SH3KBP1: variants seen among roughly 807,000 people sequenced by gnomAD.
SH3KBP1 encodes SH3 domain-containing kinase-binding protein 1.
In SH3KBP1, 8 loss-of-function variants were observed where a neutral mutation model predicts 50.1. The observed-to-expected ratio is 0.16, with a 90% confidence interval of 0.09 to 0.29. The LOEUF (loss-of-function observed/expected upper bound fraction) is 0.29. Ranked by LOEUF, SH3KBP1 falls within the 10% of genes least tolerant of loss-of-function variation. SH3KBP1 has a pLI of 1.00. For synonymous variants in SH3KBP1, 227 were observed against 218.6 expected, an observed-to-expected ratio of 1.04 and a Z score of -0.34; for missense variants, 377 against 535.2, an observed-to-expected ratio of 0.70 and a Z score of 2.92.
chrX:19,754,812 A>G (rs2065161930), intron 2 of SH3KBP1, among the ~76,000 whole-genome samples: 2 of 111,803 alleles, frequency 1.8e-5, no homozygotes, highest in African/African-American at 6.5e-5. Flanking sequence ...TCTCACCTTA[A>G]AAGATGCAGA....
chrX:19,584,243 T>C (rs1169997166), intron 12 of SH3KBP1, among the ~76,000 whole-genome samples: 1 of 89,018 alleles, frequency 1.1e-5, no homozygotes, highest in Non-Finnish European at 2.1e-5. Context: ...TATAAATATA[T>C]GTATATAAAT....
intron 6 of SH3KBP1, among the ~76,000 whole-genome samples, chrX:19,656,038 C>T (rs2062270286): frequency 9.0e-6 from 1 of 111,213 alleles, no homozygotes; most frequent in East Asian, 2.8e-4. Flanking sequence ...GGTATTCTAG[C>T]TGAAGAAAAG....
chrX:19,779,435 T>C lies in SH3KBP1; in HGVS notation c.163-32994A>G, dbSNP rs754519354. On this transcript the variant is annotated intron_variant, in intron 2 of 17. Transcript: ENST00000397821. ...TCCAGGAAAACAGCACTTTATTTTT[T>C]TTTTATTATACTTTAAGTTTTAGGG... is the stretch of plus-strand genomic sequence containing the variant. Among the ~76,000 whole-genome samples the C allele has an allele frequency of 1.0e-4, 11 of 109,788 alleles. No individual in the cohort carries two copies. In the South Asian group the frequency reaches 3.9e-3, roughly 39 times the overall value.
intron 6 of SH3KBP1, among the ~76,000 whole-genome samples, chrX:19,676,841 G>A (rs995846677): frequency 8.9e-6 from 1 of 112,197 alleles, no homozygotes; most frequent in Non-Finnish European, 1.9e-5. Context: ...GATTCAAGAT[G>A]ACAAGAGTTG....
intron 9 of SH3KBP1, among the ~76,000 whole-genome samples, chrX:19,604,247 T>C (rs1224853270): frequency 8.9e-6 from 1 of 111,735 alleles, no homozygotes; most frequent in African/African-American, 3.3e-5. Context: ...GCTTACATAA[T>C]TGCTCTAAAA....
At chrX:19,848,518 T>C (rs1367319693) in intron 1 of SH3KBP1, among the ~76,000 whole-genome samples, 1 of 112,659 alleles carries the variant, frequency 8.9e-6, no homozygotes, top group Non-Finnish European at 1.9e-5. Flanking sequence ...TAAAACATCA[T>C]TGGCCACCTT....
At chrX:19,726,815 G>A (rs1327761684) in intron 3 of SH3KBP1, among the ~76,000 whole-genome samples, 1 of 112,045 alleles carries the variant, frequency 8.9e-6, no homozygotes, top group African/African-American at 3.3e-5. Flanking sequence ...AGCCCAAAGG[G>A]TAAACAGAAG....
intron 3 of SH3KBP1, among the ~76,000 whole-genome samples, chrX:19,720,841 C>T (rs1483983964): frequency 1.8e-5 from 2 of 111,286 alleles, no homozygotes. Flanking sequence ...ATACTTCTGT[C>T]TTGCCTAATC....
rs762855655 is a variant in SH3KBP1, at chrX:19,645,356, CTTAAATGCTT to C, written c.802+34_802+43del. ...AAAACATTTCTGTTATTGGGAAATC[CTTAAATGCTT>C]TTAAATGTGAAACAGATAACTAAGG... On this transcript the variant is annotated intron_variant, in intron 7 of 17. Transcript: ENST00000397821. 89 of 1,020,066 alleles carry C rather than the reference CTTAAATGCTT, an allele frequency of 8.7e-5. No individual in the cohort carries two copies. The South Asian group carries it at 1.7e-3, about 20-fold the overall frequency. The allele number at this position is 1,020,066 out of a possible 1,213,427, so 84.1% of individuals were successfully genotyped here.
chrX:19,663,309 G>C (rs1314433999), intron 6 of SH3KBP1, among the ~76,000 whole-genome samples: 1 of 111,729 alleles, frequency 9.0e-6, no homozygotes, highest in Non-Finnish European at 1.9e-5. Flanking sequence ...TTTTTTAAGA[G>C]GGATATTTTG....
intron 2 of SH3KBP1, among the ~76,000 whole-genome samples, chrX:19,816,499 A>G (rs2067359180): frequency 8.9e-6 from 1 of 111,897 alleles, no homozygotes; most frequent in South Asian, 3.7e-4. Context: ...AGTCTAATTG[A>G]TCTTTTTTTA....
chrX:19,770,474 GC>G (rs1364559557), intron 2 of SH3KBP1, among the ~76,000 whole-genome samples: 2 of 111,632 alleles, frequency 1.8e-5, no homozygotes, highest in Admixed American at 9.4e-5. Context: ...TCATGTTTTT[GC>G]TATTGTGAAG....
intron 1 of SH3KBP1, among the ~76,000 whole-genome samples, chrX:19,869,139 C>T (rs1273720877): frequency 8.9e-6 from 1 of 111,854 alleles, no homozygotes; most frequent in Non-Finnish European, 1.9e-5. Flanking sequence ...AAGGAATCCT[C>T]CCCTAGAGCC....
intron 2 of SH3KBP1, among the ~76,000 whole-genome samples, chrX:19,825,430 C>T (rs1569482612): frequency 8.9e-6 from 1 of 111,854 alleles, no homozygotes; most frequent in Non-Finnish European, 1.9e-5. Context: ...TAATGCTGCC[C>T]GCTTGAGCTC....
chrX:19,883,840 C>T (rs1300077627), intron 1 of SH3KBP1, among the ~76,000 whole-genome samples: 1 of 111,622 alleles, frequency 9.0e-6, no homozygotes, highest in Non-Finnish European at 1.9e-5. Flanking sequence ...GGCCTGCCTC[C>T]AATGTTCCCT....
At chrX:19,568,745 T>C (rs748256688) in intron 13 of SH3KBP1, among the ~76,000 whole-genome samples, 5 of 113,106 alleles carry the variant, frequency 4.4e-5, no homozygotes, top group Admixed American at 1.9e-4. Context: ...CAATGAACCC[T>C]GCCATCTCAC....
At chrX:19,873,365 G>C (rs2069128420) in intron 1 of SH3KBP1, among the ~76,000 whole-genome samples, 1 of 100,823 alleles carries the variant, frequency 9.9e-6, no homozygotes, top group Non-Finnish European at 2.0e-5. Flanking sequence ...ATAGCAACAA[G>C]TATATATTAA....
intron 13 of SH3KBP1, among the ~76,000 whole-genome samples, chrX:19,561,880 T>C (rs1386639772): frequency 1.9e-5 from 2 of 106,762 alleles, no homozygotes; most frequent in Non-Finnish European, 3.8e-5. Context: ...CAGGGAGACA[T>C]GGCTAAGGCG....
chrX:19,802,742 C>T (rs1370902434), intron 2 of SH3KBP1, among the ~76,000 whole-genome samples: 1 of 111,450 alleles, frequency 9.0e-6, no homozygotes, highest in Non-Finnish European at 1.9e-5. Context: ...AGGTCCCCCT[C>T]CCTTTGTGCT....
Sources: allele counts gnomAD v4.1 joint callset (sites outside exome capture counted in the v4.1 genomes callset), GRCh38; gene constraint gnomAD v4.1.1; transcripts MANE v1.5; gene names NCBI Gene and HGNC (gene_info 2026-07-23, HGNC 2026-07-21).